DCLK1: variants seen among roughly 807,000 people sequenced by gnomAD.
DCLK1 encodes doublecortin like kinase 1, also known as serine/threonine-protein kinase DCLK1.
Under a neutral mutation model 86.2 loss-of-function variants are expected in DCLK1, and 16 were observed. That is an observed-to-expected ratio of 0.19 (90% CI 0.13 to 0.28). The LOEUF is 0.28. DCLK1 is among the 10% of genes least tolerant of loss of function. The pLI is 1.00. For missense variants in DCLK1, 590 were observed against 940.2 expected, an observed-to-expected ratio of 0.63 and a Z score of 4.87; for synonymous variants, 369 against 370.5, an observed-to-expected ratio of 1.00 and a Z score of 0.05.
intron 4 of DCLK1, among the ~76,000 whole-genome samples, chr13:35,877,949 G>A (rs1056410170): frequency 8.5e-5 from 13 of 152,164 alleles, no homozygotes; most frequent in Middle Eastern, 6.3e-3. Flanking sequence ...GCCCCTACAT[G>A]TTCACTTCCC....
At chr13:35,982,433 G>GAGGGAGGGA (rs1566631727) in intron 3 of DCLK1, among the ~76,000 whole-genome samples, 12 of 21,706 alleles carry the variant, frequency 5.5e-4, no homozygotes, top group African/African-American at 1.6e-3. Context: ...AGAGAGAGAG[G>GAGGGAGGGA]GGGAGGGAGG....
At chr13:36,048,557 A>G (rs1334142791) in intron 3 of DCLK1, among the ~76,000 whole-genome samples, 3 of 152,140 alleles carry the variant, frequency 2.0e-5, no homozygotes, top group Non-Finnish European at 4.4e-5. Flanking sequence ...GTCCCTCTGA[A>G]CCATTTGGCA....
At chr13:35,909,777 C>T (rs1432162165) in intron 4 of DCLK1, among the ~76,000 whole-genome samples, 4 of 151,864 alleles carry the variant, frequency 2.6e-5, no homozygotes, top group African/African-American at 7.3e-5. Flanking sequence ...GCATTTTCAA[C>T]GAGAGCTAAT....
At chr13:35,936,598 GCT>G (rs1876764819) in intron 4 of DCLK1, among the ~76,000 whole-genome samples, 1 of 152,194 alleles carries the variant, frequency 6.6e-6, no homozygotes, top group South Asian at 2.1e-4. Flanking sequence ...GATTGTAAGT[GCT>G]TGATCAGTGT....
intron 4 of DCLK1, among the ~76,000 whole-genome samples, chr13:35,893,162 C>T (rs1326519633): frequency 6.6e-6 from 1 of 152,178 alleles, no homozygotes; most frequent in African/African-American, 2.4e-5. Flanking sequence ...TGAGTAGTTT[C>T]CTTTAAGGTT....
intron 3 of DCLK1, among the ~76,000 whole-genome samples, chr13:36,004,895 T>C (rs1327664564): frequency 6.6e-6 from 1 of 152,234 alleles, no homozygotes; most frequent in Non-Finnish European, 1.5e-5. Flanking sequence ...AAGTTTTAAA[T>C]AGTAATAGTT....
At chr13:36,029,320 A>G (rs889394494) in intron 3 of DCLK1, among the ~76,000 whole-genome samples, 10 of 152,188 alleles carry the variant, frequency 6.6e-5, no homozygotes, top group African/African-American at 1.7e-4. Flanking sequence ...GTGACATGAC[A>G]TGACACATGT....
intron 8 of DCLK1, among the ~76,000 whole-genome samples, chr13:35,833,515 A>G (rs1869125243): frequency 6.6e-6 from 1 of 152,170 alleles, no homozygotes; most frequent in Non-Finnish European, 1.5e-5. Flanking sequence ...GAGGCCACTC[A>G]AGAAGTTACT....
chr13:35,978,947 C>T (rs1028865229), intron 3 of DCLK1, among the ~76,000 whole-genome samples: 2 of 152,218 alleles, frequency 1.3e-5, no homozygotes, highest in African/African-American at 4.8e-5. Context: ...AATTATTGAG[C>T]ACCAGCCACA....
chr13:35,856,273 C>T (rs933654675), intron 5 of DCLK1, among the ~76,000 whole-genome samples: 2 of 152,154 alleles, frequency 1.3e-5, no homozygotes, highest in East Asian at 3.8e-4. Flanking sequence ...ACTTCACGCT[C>T]GGACCTCATC....
intron 5 of DCLK1, among the ~76,000 whole-genome samples, chr13:35,868,144 T>C (rs1201254848): frequency 2.0e-5 from 3 of 150,740 alleles, no homozygotes; most frequent in Non-Finnish European, 4.4e-5. Flanking sequence ...TGCCTCAGCC[T>C]CCCGAGTAGC....
At chr13:35,840,772 A>T (rs77955569) in intron 6 of DCLK1, among the ~76,000 whole-genome samples, 3,542 of 152,224 alleles carry the variant, frequency 0.023, 150 homozygotes, top group African/African-American at 0.078. Context: ...CATAACCCAC[A>T]CTGTGGAAGG....
chr13:36,002,273 C>T (rs1252702325), intron 3 of DCLK1, among the ~76,000 whole-genome samples: 1 of 152,150 alleles, frequency 6.6e-6, no homozygotes, highest in Non-Finnish European at 1.5e-5. Flanking sequence ...GTAACTTCCA[C>T]ATTTTAAAAG....
intron 3 of DCLK1, among the ~76,000 whole-genome samples, chr13:36,106,817 T>C (rs938181382): frequency 2.0e-5 from 3 of 152,166 alleles, no homozygotes; most frequent in African/African-American, 7.2e-5. Flanking sequence ...TCAACTCCTA[T>C]AGCCAAGGTC....
At chr13:35,805,660 T>A (rs556754909) in intron 15 of DCLK1, 39 bp downstream of exon 15, 3 of 1,581,506 alleles carry the variant, frequency 1.9e-6, no homozygotes, top group African/African-American at 1.4e-5. Context: ...TTAAAAGGAA[T>A]GTTAGGAGAG....
chr13:35,966,555 G>A (rs1878748654), intron 3 of DCLK1, among the ~76,000 whole-genome samples: 1 of 129,006 alleles, frequency 7.8e-6, no homozygotes, highest in Admixed American at 1.0e-4. Flanking sequence ...CTGATGCTGA[G>A]CGGAGGCTGG....
intron 3 of DCLK1, among the ~76,000 whole-genome samples, chr13:35,989,713 T>A (rs956809518): frequency 6.8e-6 from 1 of 146,368 alleles, no homozygotes; most frequent in Non-Finnish European, 1.5e-5. Flanking sequence ...CTAATTGGCT[T>A]TTTTTTTTTT....
intron 16 of DCLK1, chr13:35,788,138 G>T: frequency 7.2e-7 from 1 of 1,382,738 alleles, no homozygotes; most frequent in South Asian, 1.2e-5. Flanking sequence ...TTTATCCACC[G>T]AAGGAACTGG....
chr13:35,822,194 A>G (rs2087411485), intron 11 of DCLK1, among the ~76,000 whole-genome samples: 1 of 151,870 alleles, frequency 6.6e-6, no homozygotes, highest in South Asian at 2.1e-4. Context: ...TCTGTCACCC[A>G]GACTGGAGTG....
Sources: gnomAD v4.1 joint callset for allele counts (sites outside exome capture counted in the v4.1 genomes callset) on GRCh38, gnomAD v4.1.1 for gene constraint, MANE v1.5 for transcripts, NCBI Gene and HGNC (gene_info 2026-07-23, HGNC 2026-07-21) for gene names.